The following FSTL4 variants were observed in gnomAD, a reference collection of about 807,000 sequenced individuals.
FSTL4 encodes follistatin-related protein 4.
In FSTL4, 28 loss-of-function variants were observed where a neutral mutation model predicts 78.2. That is an observed-to-expected ratio of 0.36 (90% confidence interval 0.27 to 0.49). FSTL4 has a LOEUF of 0.49. Ranked by LOEUF, FSTL4 falls within the 20% of genes least tolerant of loss-of-function variation. FSTL4 has a pLI of 0.98. For missense variants in FSTL4, 922 were observed against 1,084.9 expected, an observed-to-expected ratio of 0.85 and a Z score of 2.11; for synonymous variants, 422 against 440.5, an observed-to-expected ratio of 0.96 and a Z score of 0.53.
upstream of FSTL4, among the ~76,000 whole-genome samples, chr5:133,616,313 CT>C (rs1761197601): frequency 1.4e-5 from 2 of 143,070 alleles, no homozygotes; most frequent in African/African-American, 5.2e-5. Flanking sequence ...AAATCTAAAT[CT>C]ATCTATCTAT....
chr5:133,238,014 C>T (rs191901785), intron 7 of FSTL4, among the ~76,000 whole-genome samples: 136 of 152,182 alleles, frequency 8.9e-4, no homozygotes, highest in African/African-American at 3.1e-3. Flanking sequence ...TTTTAAAAAG[C>T]GATTTTCTAA....
At chr5:133,243,497 A>G (rs1331145917) in intron 7 of FSTL4, among the ~76,000 whole-genome samples, 1 of 152,222 alleles carries the variant, frequency 6.6e-6, no homozygotes, top group Non-Finnish European at 1.5e-5. Context: ...AATTTGATAC[A>G]TTCCACTGGG....
chr5:133,209,633 A>G (rs1348039313), intron 14 of FSTL4, among the ~76,000 whole-genome samples: 1 of 152,030 alleles, frequency 6.6e-6, no homozygotes, highest in African/African-American at 2.4e-5. Flanking sequence ...CTGATGGGGG[A>G]AGGGATCCCA....
intron 6 of FSTL4, among the ~76,000 whole-genome samples, chr5:133,264,805 A>C (rs888999567): frequency 6.6e-6 from 1 of 152,112 alleles, no homozygotes; most frequent in African/African-American, 2.4e-5. Flanking sequence ...TTTCCTCTCC[A>C]AAGACTCCTC....
chr5:133,326,674 A>G (rs1392273594), intron 4 of FSTL4, among the ~76,000 whole-genome samples: 1 of 152,224 alleles, frequency 6.6e-6, no homozygotes, highest in African/African-American at 2.4e-5. Context: ...GCCAAGGCCC[A>G]GTTCCACAGA....
chr5:133,341,088 A>T (rs544591732), intron 4 of FSTL4, among the ~76,000 whole-genome samples: 1 of 152,336 alleles, frequency 6.6e-6, no homozygotes, highest in East Asian at 1.9e-4. Flanking sequence ...ATCACACAGC[A>T]GGGAGAGACC....
rs114852343 is a variant in FSTL4, at chr5:133,210,354, G to A, written c.1609-56C>T. The A allele has an allele frequency of 1.2e-3, 1,211 of 1,039,872 alleles. 20 individuals carry two copies. The highest frequency in any genetic ancestry group is 9.9e-3 in the South Asian group (766 of 77,064). The allele number at this position is 1,039,872 out of a possible 1,614,324, so 64.4% of individuals were successfully genotyped here. On this transcript the variant is annotated intron_variant, in intron 13 of 15. Transcript: ENST00000265342. ...GCTGACATGATGGTCATTTCTGGGC[G>A]TTGTATGCATGGGCATCACTCCTGG...
chr5:133,448,747 G>T (rs1033222320), intron 3 of FSTL4, among the ~76,000 whole-genome samples: 6 of 145,618 alleles, frequency 4.1e-5, no homozygotes, highest in East Asian at 2.1e-4. Context: ...GGCGGGGGGG[G>T]GGGGCGCTCA....
At chr5:133,357,853 G>A (rs1452412315) in intron 4 of FSTL4, among the ~76,000 whole-genome samples, 1 of 152,170 alleles carries the variant, frequency 6.6e-6, no homozygotes, top group Non-Finnish European at 1.5e-5. Flanking sequence ...AAAACACCTG[G>A]GGCCTTCCAG....
chr5:133,346,096 C>T (rs1754693043), intron 4 of FSTL4, among the ~76,000 whole-genome samples: 1 of 152,152 alleles, frequency 6.6e-6, no homozygotes, highest in Non-Finnish European at 1.5e-5. Flanking sequence ...TTTGCAGGGA[C>T]ATGAATGAAG....
In FSTL4 at chr5:133,225,299, G is replaced by A; in HGVS notation, c.1178-15C>T. ...GCTCCCATTGGCTGCAGACAGGACA[G>A]TGCTCAGGGTGGACTGCTCAGCTGG... On this transcript the variant is annotated splice_polypyrimidine_tract_variant and intron_variant, in intron 9 of 15. Coordinates refer to ENST00000265342, the MANE Select transcript of FSTL4 (RefSeq NM_015082.2). This position sits in a 1 kb window ranked among gnomAD's most constrained non-coding sequence, Gnocchi z 4.6. 1.9e-6 allele frequency: 3 copies of A among 1,614,142 alleles called. No individual in the cohort carries two copies. The highest frequency in any genetic ancestry group is 1.3e-5 in the African/African-American group (1 of 75,060).
chr5:133,222,984 C>T (rs986648118), intron 11 of FSTL4, among the ~76,000 whole-genome samples: 23 of 152,206 alleles, frequency 1.5e-4, no homozygotes, highest in African/African-American at 5.5e-4. Context: ...AACCCTATGC[C>T]CCAAGGCGGC....
chr5:133,319,686 C>G (rs1753999162), intron 4 of FSTL4, among the ~76,000 whole-genome samples: 1 of 152,230 alleles, frequency 6.6e-6, no homozygotes, highest in Non-Finnish European at 1.5e-5. Context: ...GTACATCATG[C>G]TGTTCAAAAC....
chr5:133,246,089 G>A (rs996350190), intron 7 of FSTL4, among the ~76,000 whole-genome samples: 52 of 152,152 alleles, frequency 3.4e-4, no homozygotes, highest in African/African-American at 1.2e-3. Context: ...GGAGGCCCAC[G>A]CTCCTTCGTG....
At chr5:133,717,130 G>C in the FSTL4 span, among the ~76,000 whole-genome samples, 2 of 152,202 alleles carry the variant, frequency 1.3e-5, no homozygotes, top group Admixed American at 6.5e-5. Context: ...CTAGTTAAAC[G>C]TTAGAAGCAA....
chr5:133,326,033 C>A (rs1292354902), intron 4 of FSTL4, among the ~76,000 whole-genome samples: 2 of 152,204 alleles, frequency 1.3e-5, no homozygotes, highest in African/African-American at 4.8e-5. Context: ...TGTGATGTGT[C>A]ATTCTGAGGT....
At chr5:133,596,004 G>T (rs1054904928) in intron 2 of FSTL4, among the ~76,000 whole-genome samples, 1 of 152,194 alleles carries the variant, frequency 6.6e-6, no homozygotes, top group Non-Finnish European at 1.5e-5. Context: ...CCAATTGTGG[G>T]GTTTTAAAAC....
At chr5:133,397,762 G>A (rs1330858349) in intron 4 of FSTL4, among the ~76,000 whole-genome samples, 1 of 152,178 alleles carries the variant, frequency 6.6e-6, no homozygotes, top group African/African-American at 2.4e-5. Flanking sequence ...ACAAGGACTT[G>A]TCCTAATATT....
the FSTL4 span, among the ~76,000 whole-genome samples, chr5:133,657,163 C>A: frequency 2.0e-5 from 3 of 152,050 alleles, no homozygotes; most frequent in African/African-American, 4.8e-5. Context: ...TGATGAAGTC[C>A]GCTACGCTGT....
Sources: gnomAD v4.1 joint callset for allele counts (sites outside exome capture counted in the v4.1 genomes callset) on GRCh38, gnomAD v4.1.1 for gene constraint, Gnocchi (gnomAD v3.1) non-coding constraint, MANE v1.5 for transcripts, NCBI Gene and HGNC (gene_info 2026-07-23, HGNC 2026-07-21) for gene names.